The following ERC1 variants were observed in gnomAD, a reference collection of about 807,000 sequenced individuals.
ERC1 encodes the protein RAB6 interacting protein 2.
Under a neutral mutation model 132.0 loss-of-function variants are expected in ERC1, and 56 were observed. The ratio of observed to expected loss-of-function variants is 0.42; its 90% CI spans 0.34 to 0.53. ERC1 has a LOEUF of 0.53. Ranked by LOEUF, ERC1 falls within the 20% of genes least tolerant of loss-of-function variation. ERC1 has a pLI of 0.03. For synonymous variants in ERC1, 478 were observed against 476.1 expected, an observed-to-expected ratio of 1.00 and a Z score of -0.05; for missense variants, 1,202 against 1,349.9, an observed-to-expected ratio of 0.89 and a Z score of 1.72.
At chr12:1,091,052 C>G (rs1943134411) in intron 3 of ERC1, among the ~76,000 whole-genome samples, 1 of 152,016 alleles carries the variant, frequency 6.6e-6, no homozygotes, top group Non-Finnish European at 1.5e-5. Context: ...CGTGCACAAG[C>G]TAATTTTTGT....
intron 16 of ERC1, among the ~76,000 whole-genome samples, chr12:1,393,605 C>T (rs1482910184): frequency 1.2e-5 from 1 of 85,552 alleles, no homozygotes; most frequent in African/African-American, 5.1e-5. Flanking sequence ...AGAGAGAACA[C>T]ACGTGTGTGT....
intron 1 of ERC1, among the ~76,000 whole-genome samples, chr12:1,000,518 A>T (rs530608411): frequency 6.6e-6 from 1 of 152,024 alleles, no homozygotes; most frequent in South Asian, 2.1e-4. Context: ...CAATGGGATG[A>T]AAATTTTGGG....
chr12:994,203 TG>T (rs1272188750), intron 1 of ERC1, among the ~76,000 whole-genome samples: 2 of 151,904 alleles, frequency 1.3e-5, no homozygotes, highest in East Asian at 3.9e-4. Context: ...GAAACATTAA[TG>T]GAAAAAGATC....
At chr12:1,245,260 A>G (rs887829870) in intron 13 of ERC1, among the ~76,000 whole-genome samples, 1 of 149,286 alleles carries the variant, frequency 6.7e-6, no homozygotes, top group East Asian at 1.9e-4. Flanking sequence ...TCCTCTAGAG[A>G]TTACTATTCT....
chr12:1,223,562 C>T (rs1391132042), intron 12 of ERC1, among the ~76,000 whole-genome samples: 1 of 152,104 alleles, frequency 6.6e-6, no homozygotes, highest in Non-Finnish European at 1.5e-5. Context: ...GATGGTGGAC[C>T]ACATTTTGTA....
chr12:1,133,958 A>T (rs1289241279), intron 7 of ERC1, among the ~76,000 whole-genome samples: 3 of 152,050 alleles, frequency 2.0e-5, no homozygotes, highest in Non-Finnish European at 4.4e-5. Context: ...TCCTTGTATT[A>T]TGAGTTGTGT....
chr12:1,299,969 AT>A (rs1339553822), intron 15 of ERC1, among the ~76,000 whole-genome samples: 1 of 152,222 alleles, frequency 6.6e-6, no homozygotes, highest in Non-Finnish European at 1.5e-5. Context: ...AAGAAATTGA[AT>A]TTGTCATATG....
intron 1 of ERC1, among the ~76,000 whole-genome samples, chr12:1,009,623 CT>C (rs1172768176): frequency 6.6e-6 from 1 of 152,034 alleles, no homozygotes; most frequent in African/African-American, 2.4e-5. Flanking sequence ...TATTTCTTTA[CT>C]TTTAAGTTGC....
chr12:1,436,416 T>C (rs2092950448), intron 17 of ERC1, among the ~76,000 whole-genome samples: 1 of 152,212 alleles, frequency 6.6e-6, no homozygotes. Context: ...TTTATTATGT[T>C]GTTCCTTGTT....
intron 8 of ERC1, chr12:1,152,792 T>G (rs1342497747): frequency 6.5e-6 from 1 of 154,940 alleles, no homozygotes; most frequent in Non-Finnish European, 1.4e-5. Context: ...TCCAGGTGTG[T>G]GTGATGGTCT....
intron 15 of ERC1, among the ~76,000 whole-genome samples, chr12:1,293,143 C>CAAA (rs1219991623): frequency 2.1e-5 from 2 of 95,204 alleles, no homozygotes; most frequent in African/African-American, 3.9e-5. Context: ...GACTCCATCT[C>CAAA]AAAAAAAAAA....
intron 1 of ERC1, 140 bp downstream of exon 1, chr12:991,462 G>C (rs920781285): frequency 6.6e-6 from 1 of 152,608 alleles, no homozygotes; most frequent in African/African-American, 2.4e-5. Flanking sequence ...AGGGCAACGC[G>C]CCCCCGGGGA....
intron 17 of ERC1, among the ~76,000 whole-genome samples, chr12:1,437,690 C>G (rs371299273): frequency 4.6e-5 from 7 of 152,312 alleles, no homozygotes; most frequent in African/African-American, 1.7e-4. Flanking sequence ...AACGCTGTTC[C>G]ATATCTCCTT....
chr12:1,344,765 T>C (rs1279972687), intron 15 of ERC1, among the ~76,000 whole-genome samples: 2 of 152,186 alleles, frequency 1.3e-5, no homozygotes. Flanking sequence ...ACTATCTCAA[T>C]CTTAATAACA....
chr12:1,153,366 T>A (rs1338446383), intron 8 of ERC1, among the ~76,000 whole-genome samples: 2 of 152,234 alleles, frequency 1.3e-5, no homozygotes, highest in Non-Finnish European at 2.9e-5. Context: ...TTTCTTGCCT[T>A]TGGTATTTTG....
chr12:1,183,162 T>C (rs1954670058), intron 10 of ERC1, 119 bp from the exon 11 acceptor site: 2 of 521,830 alleles, frequency 3.8e-6, no homozygotes, highest in Admixed American at 3.5e-5. Flanking sequence ...TTCCTTGTAA[T>C]GGGAGTATGT....
chr12:1,297,485 T>C lies in ERC1; in HGVS notation c.2780+7473T>C, dbSNP rs188857417. Among the ~76,000 whole-genome samples, 3 of 147,942 alleles carry C rather than the reference T, an allele frequency of 2.0e-5. No individual in the cohort carries two copies. In the Admixed American group the frequency reaches 2.0e-4, roughly 10 times the overall value. On this transcript the variant is annotated intron_variant, in intron 15 of 18. Transcript: ENST00000360905. ...GAGAGGCCAAGGTGGGAGGATCACT[T>C]GAGTCCAGGAGTCTGAGACCAGCCT...
intron 14 of ERC1, among the ~76,000 whole-genome samples, chr12:1,266,750 C>T (rs1466164898): frequency 3.3e-5 from 5 of 152,122 alleles, no homozygotes; most frequent in African/African-American, 7.2e-5. Flanking sequence ...TACTTATGTA[C>T]GTTAATTATA....
intron 15 of ERC1, among the ~76,000 whole-genome samples, chr12:1,329,249 A>G (rs906822588): frequency 6.9e-6 from 1 of 145,250 alleles, no homozygotes; most frequent in African/African-American, 2.6e-5. Context: ...AGCCAAGATC[A>G]CGCCACTGCA....
Sources: gnomAD v4.1 joint callset for allele counts (sites outside exome capture counted in the v4.1 genomes callset) on GRCh38, gnomAD v4.1.1 for gene constraint, MANE v1.5 for transcripts, NCBI Gene and HGNC (gene_info 2026-07-23, HGNC 2026-07-21) for gene names.